Variants in SUPT3H observed in about 807,000 individuals in gnomAD.
SUPT3H encodes SPT3 homolog, SAGA and STAGA complex component, also known as transcription initiation protein SPT3 homolog.
Under a neutral mutation model 44.3 loss-of-function variants are expected in SUPT3H, and 44 were observed. The ratio of observed to expected loss-of-function variants is 0.99; its 90% CI spans 0.78 to 1.28. The LOEUF is 1.28. Ranked by LOEUF, SUPT3H falls within the 50% of genes most tolerant of loss-of-function variation. SUPT3H has a pLI of 0.00. For missense variants in SUPT3H, 380 were observed against 387.1 expected, an observed-to-expected ratio of 0.98 and a Z score of 0.15; for synonymous variants, 124 against 125.6, an observed-to-expected ratio of 0.99 and a Z score of 0.09.
At chr6:45,057,377 A>G (rs1791292928) in intron 3 of SUPT3H, among the ~76,000 whole-genome samples, 1 of 152,150 alleles carries the variant, frequency 6.6e-6, no homozygotes, top group Non-Finnish European at 1.5e-5. Context: ...GTTTCCAGCA[A>G]TGTTCACTTA....
chr6:45,048,894 G>C (rs1017500679), intron 3 of SUPT3H, among the ~76,000 whole-genome samples: 2 of 151,940 alleles, frequency 1.3e-5, no homozygotes, highest in African/African-American at 4.8e-5. Context: ...GGGAGGGAGG[G>C]GTTATAGAAG....
At chr6:45,276,562 T>C (rs1777061217) in intron 2 of SUPT3H, among the ~76,000 whole-genome samples, 1 of 152,210 alleles carries the variant, frequency 6.6e-6, no homozygotes, top group African/African-American at 2.4e-5. Flanking sequence ...AGTCAGCGTA[T>C]ATTTCCCACT....
intron 10 of SUPT3H, among the ~76,000 whole-genome samples, chr6:44,866,417 G>C (rs1045905709): frequency 6.6e-6 from 1 of 151,970 alleles, no homozygotes; most frequent in Admixed American, 6.6e-5. Flanking sequence ...CTAGGAATTT[G>C]AGGACAGCCT....
chr6:45,017,768 G>A (rs886569543), intron 4 of SUPT3H, among the ~76,000 whole-genome samples: 4 of 144,622 alleles, frequency 2.8e-5, no homozygotes, highest in African/African-American at 5.2e-5. Context: ...ATAGTTTGAA[G>A]TCAGGTAGCG....
intron 2 of SUPT3H, among the ~76,000 whole-genome samples, chr6:45,281,815 T>G (rs1001073407): frequency 6.6e-6 from 1 of 152,090 alleles, no homozygotes; most frequent in African/African-American, 2.4e-5. Flanking sequence ...GATACCCGAA[T>G]AGCCTAACTG....
In SUPT3H at chr6:45,172,967, G is replaced by A. The variant is rs896508036; in HGVS notation, c.102-66961C>T. Among the ~76,000 whole-genome samples, 4 of 152,102 alleles carry A rather than the reference G, an allele frequency of 2.6e-5. No homozygotes were observed. The East Asian group carries it at 7.7e-4, about 29-fold the overall frequency. ...AGATAAAAATCTGAAAAATATCAAT[G>A]AGACAAAAAGTCCTTTATCAAAAAC... On this transcript the variant is annotated intron_variant, in intron 2 of 10. Coordinates refer to ENST00000371459, the MANE Select transcript of SUPT3H (RefSeq NM_003599.4).
intron 10 of SUPT3H, among the ~76,000 whole-genome samples, chr6:44,914,887 G>A (rs1285086523): frequency 6.6e-6 from 1 of 152,116 alleles, no homozygotes; most frequent in Non-Finnish European, 1.5e-5. Context: ...CAGGAAATAC[G>A]ATGTATCTTG....
At chr6:44,890,787 G>A (rs1258447087) in intron 10 of SUPT3H, among the ~76,000 whole-genome samples, 1 of 150,146 alleles carries the variant, frequency 6.7e-6, no homozygotes, top group Non-Finnish European at 1.5e-5. Flanking sequence ...AAAAGAAAAT[G>A]TGGCACACAT....
chr6:45,040,150 C>A (rs1788306918), intron 3 of SUPT3H, among the ~76,000 whole-genome samples: 1 of 152,088 alleles, frequency 6.6e-6, no homozygotes, highest in Admixed American at 6.6e-5. Context: ...TATTCAACCC[C>A]AAGGTTGTGG....
At chr6:44,839,197 A>G (rs1390400575) in intron 10 of SUPT3H, among the ~76,000 whole-genome samples, 3 of 152,200 alleles carry the variant, frequency 2.0e-5, no homozygotes, top group Non-Finnish European at 4.4e-5. Context: ...AGGATCCTGC[A>G]CTGGCCCAGA....
At chr6:45,244,663 C>T (rs1324539) in intron 2 of SUPT3H, among the ~76,000 whole-genome samples, 152,295 of 152,314 alleles carry the variant, frequency 1, 76,138 homozygotes, top group Non-Finnish European at 1. Context: ...AGTTTAATTG[C>T]ATGTAATTTT....
Position 45,078,371 on chromosome 6 carries a change from A to C in SUPT3H, c.186+27551T>G, listed in dbSNP as rs531929513. On this transcript the variant is annotated intron_variant, in intron 3 of 10. Transcript: ENST00000371459. ...CATTTTTATTTATTATGTGTTCCTT[A>C]GCCAACATTGCAGTTGTTGTTTTTG... is the stretch of plus-strand genomic sequence containing the variant. Among the ~76,000 whole-genome samples, 15 of 152,330 alleles carry C rather than the reference A, an allele frequency of 9.8e-5. No homozygotes were observed. The East Asian group carries it at 2.9e-3, about 29-fold the overall frequency.
intron 2 of SUPT3H, among the ~76,000 whole-genome samples, chr6:45,358,556 T>C (rs1793659146): frequency 6.6e-6 from 1 of 152,184 alleles, no homozygotes; most frequent in Admixed American, 6.5e-5. Flanking sequence ...ATGATATTTA[T>C]TTTTTAAAAA....
At chr6:45,342,533 A>G (rs1667305598) in intron 2 of SUPT3H, among the ~76,000 whole-genome samples, 2 of 152,190 alleles carry the variant, frequency 1.3e-5, no homozygotes, top group South Asian at 4.1e-4. Context: ...TGCTGCGATT[A>G]CACGCATAAG....
At chr6:45,203,283 C>T (rs146871913) in intron 2 of SUPT3H, among the ~76,000 whole-genome samples, 3 of 152,112 alleles carry the variant, frequency 2.0e-5, no homozygotes, top group African/African-American at 4.8e-5. Flanking sequence ...TTAACATTTA[C>T]CCAACTGTTC....
intron 2 of SUPT3H, among the ~76,000 whole-genome samples, chr6:45,313,894 C>CA (rs1173985202): frequency 3.3e-5 from 5 of 152,084 alleles, no homozygotes; most frequent in Non-Finnish European, 7.4e-5. Context: ...AAATCCTTAA[C>CA]AAAATACTAG....
At chr6:45,299,300 C>T (rs1329598151) in intron 2 of SUPT3H, among the ~76,000 whole-genome samples, 2 of 146,338 alleles carry the variant, frequency 1.4e-5, no homozygotes, top group Non-Finnish European at 3.0e-5. Context: ...TGCGCCACTG[C>T]ACTCCAGCTT....
intron 2 of SUPT3H, among the ~76,000 whole-genome samples, chr6:45,278,775 GA>G (rs1477046770): frequency 2.0e-5 from 3 of 152,064 alleles, no homozygotes; most frequent in Non-Finnish European, 2.9e-5. Context: ...ACAGATTATA[GA>G]AAATGACAGA....
intron 2 of SUPT3H, among the ~76,000 whole-genome samples, chr6:45,129,929 G>A (rs775918851): frequency 3.9e-5 from 6 of 152,126 alleles, no homozygotes; most frequent in Non-Finnish European, 7.4e-5. Context: ...GCAGTGTTAA[G>A]ACTGGCGTAA....
Sources: allele counts gnomAD v4.1 joint callset (sites outside exome capture counted in the v4.1 genomes callset), GRCh38; gene constraint gnomAD v4.1.1; transcripts MANE v1.5; gene names NCBI Gene and HGNC (gene_info 2026-07-23, HGNC 2026-07-21).